The following WDR20 variants were observed in gnomAD, a reference collection of about 807,000 sequenced individuals.
WDR20 encodes the protein WD repeat-containing protein 20.
A neutral mutation model predicts 38.7 loss-of-function variants in WDR20; 3 were observed. That is an observed-to-expected ratio of 0.08 (90% CI 0.04 to 0.20). The LOEUF is 0.20. Among genes scored for constraint, WDR20 ranks in the 10% least tolerant of loss-of-function variants. WDR20 has a pLI of 1.00. For missense variants in WDR20, 559 were observed against 727.7 expected, an observed-to-expected ratio of 0.77 and a Z score of 2.67; for synonymous variants, 298 against 285.6, an observed-to-expected ratio of 1.04 and a Z score of -0.44.
At chr14:102,154,178 CT>C (rs1284079124) in intron 1 of WDR20, among the ~76,000 whole-genome samples, 1 of 152,312 alleles carries the variant, frequency 6.6e-6, no homozygotes, top group Non-Finnish European at 1.5e-5. Context: ...AAGAAAAAAT[CT>C]TTCATATACT....
Position 102,140,012 on chromosome 14 carries a change from C to G in WDR20, c.89C>G (p.Ser30Trp). 2.5e-6 allele frequency: 4 copies of G among 1,614,186 alleles called. No individual in the cohort carries two copies. The highest frequency in any genetic ancestry group is 3.4e-6 in the Non-Finnish European group (4 of 1,180,018). ...GGTCTGTACAAGCTGCTGCCGCACTCGGAGTACAGCCGGCCCAACCGGGTG... is the reference window on the plus strand; with the variant it reads ...GGTCTGTACAAGCTGCTGCCGCACTGGGAGTACAGCCGGCCCAACCGGGTG... ...REGLYKLLPH[S>W]EYSRPNRVPF... The change falls in exon 1 of 3, where the codon TCG becomes TGG. Residue 30 changes from serine to tryptophan, a missense_variant. Physicochemically the swap from Ser to Trp is radical, Grantham distance 177 (BLOSUM62 -3). Transcript: ENST00000342702.
chr14:102,175,490 C>T (rs2061865235), intron 1 of WDR20, among the ~76,000 whole-genome samples: 1 of 151,920 alleles, frequency 6.6e-6, no homozygotes, highest in Non-Finnish European at 1.5e-5. Flanking sequence ...ATATGATGCC[C>T]CCAGATTTTT....
chr14:102,157,827 TTAG>T (rs2057771566), intron 1 of WDR20, among the ~76,000 whole-genome samples: 1 of 152,110 alleles, frequency 6.6e-6, no homozygotes, highest in Admixed American at 6.5e-5. Flanking sequence ...ATTATCTTCC[TTAG>T]TGGTGGTCAT....
rs939048482 is a variant in WDR20 at position 102,221,975 on chromosome 14, T to C, written c.1693-855T>C. ...CCACACTTTGATGTAATGTAATTGC[T>C]GCTCAATAGTAAATGCAAAGAAATG... On this transcript the variant is annotated intron_variant, in intron 3 of 3. Transcript: ENST00000335263. This position sits in a 1 kb window ranked among gnomAD's most constrained non-coding sequence, Gnocchi z 4.8. Among the ~76,000 whole-genome samples, 7 of 152,200 alleles carry C rather than the reference T, an allele frequency of 4.6e-5. No individual in the cohort carries two copies. The highest frequency in any genetic ancestry group is 1.4e-4 in the African/African-American group (6 of 41,448).
chr14:102,204,547 A>G (rs1296193933), intron 2 of WDR20, among the ~76,000 whole-genome samples: 3 of 152,170 alleles, frequency 2.0e-5, no homozygotes, highest in African/African-American at 4.8e-5. Context: ...AGTGCCTGGC[A>G]TATGGTACGC....
At position 102,210,423 on chromosome 14, in the gene WDR20, A is replaced by C. The variant is rs1043849547; in HGVS notation, c.*543A>C. The C allele has an allele frequency of 1.0e-6, 1 of 985,342 alleles. No individual in the cohort carries two copies. The highest frequency in any genetic ancestry group is 4.7e-5 in the South Asian group (1 of 21,290). 61.0% of individuals were successfully genotyped at this position (985,342 alleles called of 1,614,324 possible). ...CAGGGTTGATTGATATTATTTTTAC[A>C]TTGTTCTGGCAATCCACAGAAAGAG... is the stretch of plus-strand genomic sequence containing the variant. On this transcript the variant is annotated 3_prime_UTR_variant, in exon 3 of 3. Coordinates refer to ENST00000342702, the MANE Select transcript of WDR20 (RefSeq NM_144574.4).
In WDR20 at chr14:102,222,311, G is replaced by A. The variant is rs1180144073; in HGVS notation, c.1693-519G>A. ...CTACACATGTGGACAGCTACAGCCA[G>A]GGGGTGCCACGGTCACACCACCCAA... On this transcript the variant is annotated intron_variant, in intron 3 of 3. Transcript: ENST00000335263. The surrounding 1 kb of genome is among the most constrained non-coding windows in gnomAD (Gnocchi z 4.4). Among the ~76,000 whole-genome samples, 2 of 152,224 alleles carry A rather than the reference G, an allele frequency of 1.3e-5. No homozygotes were observed. Among genetic ancestry groups the A allele is most frequent in the East Asian group, 1.9e-4 (1 of 5,200 alleles).
chr14:102,212,515 G>C (rs947148859), downstream of WDR20: 10 of 1,535,908 alleles, frequency 6.5e-6, no homozygotes, highest in Non-Finnish European at 7.8e-6. Context: ...CCCTTTCTTT[G>C]ACAGCCGGCA....
intron 1 of WDR20, among the ~76,000 whole-genome samples, chr14:102,181,117 T>C (rs1381181667): frequency 6.6e-6 from 1 of 152,152 alleles, no homozygotes; most frequent in Non-Finnish European, 1.5e-5. Flanking sequence ...GCTGGCAGCA[T>C]TCAGAACATA....
At position 102,222,977 on chromosome 14, in the gene WDR20, C is replaced by T. The variant is rs953399204; in HGVS notation, c.*94C>T. 1.8e-5 allele frequency: 27 copies of T among 1,514,218 alleles called. No homozygotes were observed. In the African/African-American group the frequency reaches 2.1e-4, roughly 12 times the overall value. 93.8% of individuals were successfully genotyped at this position (1,514,218 alleles called of 1,614,324 possible). On this transcript the variant is annotated 3_prime_UTR_variant, in exon 4 of 4. Coordinates refer to the WDR20 transcript ENST00000335263. This position sits in a 1 kb window ranked among gnomAD's most constrained non-coding sequence, Gnocchi z 4.4. The stretch of plus-strand genomic sequence containing the variant: ...GCTGCGCCTGAGCCGTGCCAGCCGG[C>T]GGACCTCAGGCGGTGGACGTCGGCG...
intron 1 of WDR20, among the ~76,000 whole-genome samples, chr14:102,156,785 C>A (rs937829742): frequency 1.3e-5 from 2 of 151,948 alleles, no homozygotes; most frequent in South Asian, 2.1e-4. Flanking sequence ...TTATCTGAGG[C>A]AGGAATTCGA....
intron 1 of WDR20, among the ~76,000 whole-genome samples, chr14:102,166,000 CT>C (rs1463100800): frequency 6.6e-6 from 1 of 151,278 alleles, no homozygotes; most frequent in African/African-American, 2.4e-5. Context: ...AAGTGATTTT[CT>C]TTTTTTTAAA....
downstream of WDR20, chr14:102,214,939 T>C (rs1436063666): frequency 1.0e-6 from 1 of 985,410 alleles, no homozygotes; most frequent in Non-Finnish European, 1.2e-6. Flanking sequence ...TACTTGATAT[T>C]CTGAAGTACT....
upstream of WDR20, chr14:102,139,808 G>A (rs1213220453): frequency 1.6e-5 from 24 of 1,473,430 alleles, no homozygotes; most frequent in Non-Finnish European, 2.1e-5. Context: ...TGGCCCGCGG[G>A]TGGGAGGGGC....
downstream of WDR20, among the ~76,000 whole-genome samples, chr14:102,216,461 T>G (rs2063233595): frequency 6.6e-6 from 1 of 152,176 alleles, no homozygotes; most frequent in Non-Finnish European, 1.5e-5. Context: ...TCAGCTAATT[T>G]TTGTGTATTT....
downstream of WDR20, chr14:102,214,405 G>A (rs1019648966): frequency 1.0e-6 from 1 of 985,314 alleles, no homozygotes; most frequent in Non-Finnish European, 1.2e-6. Context: ...ATATGTAAAA[G>A]CACTCGTATG....
chr14:102,214,443 T>C (rs972904826), downstream of WDR20: 1 of 985,480 alleles, frequency 1.0e-6, no homozygotes, highest in African/African-American at 1.7e-5. Context: ...ACTCAGATCC[T>C]AGTTACGAAC....
intron 2 of WDR20, among the ~76,000 whole-genome samples, chr14:102,200,401 C>T (rs779406765): frequency 5.1e-4 from 77 of 151,922 alleles, no homozygotes; most frequent in African/African-American, 1.8e-3. Flanking sequence ...GTCACCCGGT[C>T]ACATTCAGCT....
chr14:102,194,204 ATTG>A (rs2059026558), intron 1 of WDR20, among the ~76,000 whole-genome samples: 2 of 152,280 alleles, frequency 1.3e-5, no homozygotes, highest in East Asian at 3.9e-4. Flanking sequence ...TTGGAGCATT[ATTG>A]TTAGGATTAA....
Sources: gnomAD v4.1 joint callset for allele counts (sites outside exome capture counted in the v4.1 genomes callset) on GRCh38, gnomAD v4.1.1 for gene constraint, Gnocchi (gnomAD v3.1) non-coding constraint, MANE v1.5 for transcripts, NCBI Gene and HGNC (gene_info 2026-07-23, HGNC 2026-07-21) for gene names.